The following CLASP1 variants were observed in gnomAD, a reference collection of about 807,000 sequenced individuals.
CLASP1 encodes the protein cytoplasmic linker associated protein 1, also known as CLIP-associating protein 1.
A neutral mutation model predicts 192.3 loss-of-function variants in CLASP1; 38 were observed. The ratio of observed to expected loss-of-function variants is 0.20; its 90% CI spans 0.15 to 0.26. The LOEUF (loss-of-function observed/expected upper bound fraction) is 0.26. Ranked by LOEUF, CLASP1 falls within the 10% of genes least tolerant of loss-of-function variation. The pLI is 1.00. For missense variants in CLASP1, 1,433 were observed against 1,932.5 expected (o/e 0.74, Z 4.85); for synonymous variants, 691 against 712.8 (o/e 0.97, Z 0.49).
At chr2:121,436,916 T>A (rs1480569518) in intron 19 of CLASP1, among the ~76,000 whole-genome samples, 1 of 152,184 alleles carries the variant, frequency 6.6e-6, no homozygotes, top group Non-Finnish European at 1.5e-5. Flanking sequence ...AATTCATGAG[T>A]TCTCTCTTCA....
At chr2:121,351,289 T>C (rs777816483) in intron 37 of CLASP1, among the ~76,000 whole-genome samples, 2 of 152,188 alleles carry the variant, frequency 1.3e-5, no homozygotes, top group Non-Finnish European at 2.9e-5. Flanking sequence ...CAGTGACACT[T>C]TTCCCCCAAC....
intron 19 of CLASP1, among the ~76,000 whole-genome samples, chr2:121,437,630 CT>C (rs1446385506): frequency 3.9e-5 from 6 of 152,226 alleles, no homozygotes. Flanking sequence ...AGGGAGATTA[CT>C]TTCCCCCTCT....
At chr2:121,348,655 T>C in exon 38 of CLASP1, 1 of 1,613,902 alleles carries the variant, frequency 6.2e-7, no homozygotes. Context: ...AGCACCTTGA[T>C]GCACTGCTCC....
At chr2:121,562,705 T>G (rs2059193533) in intron 2 of CLASP1, among the ~76,000 whole-genome samples, 1 of 152,226 alleles carries the variant, frequency 6.6e-6, no homozygotes, top group African/African-American at 2.4e-5. Context: ...CAAATTTCAC[T>G]TAAGCTTGGC....
intron 2 of CLASP1, among the ~76,000 whole-genome samples, chr2:121,587,272 A>G (rs544222140): frequency 1.2e-4 from 18 of 152,212 alleles, no homozygotes; most frequent in African/African-American, 4.1e-4. Flanking sequence ...AAGACAGAGA[A>G]TAGATCAGAA....
In CLASP1 at chr2:121,553,935, T is replaced by TAC. The variant is rs574565907; in HGVS notation, c.196-23612_196-23611dup. On this transcript the variant is annotated intron_variant, in intron 2 of 39. Coordinates refer to ENST00000263710, the Ensembl canonical transcript of CLASP1. ...ATAATTAAAATAACACTCAACAGGC[T>TAC]ACAGACAGTGGCTCACACCTGCAAT... Among the ~76,000 whole-genome samples the TAC allele has an allele frequency of 3.3e-5, 5 of 152,016 alleles. No individual in the cohort carries two copies. In the South Asian group the frequency reaches 1.0e-3, roughly 32 times the overall value.
chr2:121,560,599 A>G (rs1242011998), intron 2 of CLASP1, among the ~76,000 whole-genome samples: 1 of 152,224 alleles, frequency 6.6e-6, no homozygotes, highest in East Asian at 1.9e-4. Flanking sequence ...ATCCAAGAAC[A>G]TCCCTCTGCT....
At chr2:121,530,979 T>C (rs1390465291) in intron 2 of CLASP1, 5 of 700,314 alleles carry the variant, frequency 7.1e-6, no homozygotes, top group East Asian at 2.7e-5. Context: ...CTAGAGCTTT[T>C]GCTTTATTTT....
chr2:121,619,821 G>A (rs1038716793), intron 1 of CLASP1, among the ~76,000 whole-genome samples: 2 of 152,024 alleles, frequency 1.3e-5, no homozygotes, highest in African/African-American at 4.8e-5. Flanking sequence ...TCTACTCCTT[G>A]AAACTCCCTC....
At chr2:121,462,204 C>T (rs529217514) in intron 10 of CLASP1, among the ~76,000 whole-genome samples, 1 of 150,596 alleles carries the variant, frequency 6.6e-6, no homozygotes, top group Admixed American at 6.6e-5. Context: ...ATCCTTCAAA[C>T]TTATGAATTA....
intron 9 of CLASP1, among the ~76,000 whole-genome samples, chr2:121,467,288 A>G (rs953160883): frequency 1.3e-5 from 2 of 152,198 alleles, no homozygotes; most frequent in Non-Finnish European, 2.9e-5. Flanking sequence ...ATGTATCTTT[A>G]TAACAGAATG....
chr2:121,450,844 G>A, intron 16 of CLASP1, 69 bp downstream of exon 16: 4 of 1,136,770 alleles, frequency 3.5e-6, no homozygotes, highest in Non-Finnish European at 5.2e-6. Context: ...TTTTTAATAA[G>A]GCAATCCTAT....
intron 2 of CLASP1, among the ~76,000 whole-genome samples, chr2:121,599,098 C>A (rs1051341732): frequency 4.6e-5 from 7 of 151,874 alleles, no homozygotes; most frequent in African/African-American, 1.7e-4. Flanking sequence ...CTCCTGGCCT[C>A]ATGATCCGCC....
At chr2:121,438,284 A>G (rs1455810227) in intron 19 of CLASP1, among the ~76,000 whole-genome samples, 2 of 152,224 alleles carry the variant, frequency 1.3e-5, no homozygotes, top group Non-Finnish European at 2.9e-5. Context: ...TAAATTTAAA[A>G]CCACAACTTG....
chr2:121,412,697 G>C (rs1411964527), intron 23 of CLASP1, among the ~76,000 whole-genome samples: 2 of 152,132 alleles, frequency 1.3e-5, no homozygotes, highest in Non-Finnish European at 2.9e-5. Context: ...CAATTATTCT[G>C]TGCTTCCAAG....
intron 9 of CLASP1, among the ~76,000 whole-genome samples, chr2:121,466,287 C>A (rs1285576575): frequency 6.6e-6 from 1 of 152,058 alleles, no homozygotes. Flanking sequence ...AAAAAATAAT[C>A]AGAAAGAACT....
intron 8 of CLASP1, among the ~76,000 whole-genome samples, chr2:121,500,376 G>GAAAGAAAGAAAGAAAGAAAGAAAGAAAGA (rs2093702375): frequency 1.1e-5 from 1 of 94,672 alleles, no homozygotes; most frequent in East Asian, 3.1e-4. Flanking sequence ...AAGAAAGAAA[G>GAAAGAAAGAAAGAAAGAAAGAAAGAAAGA]AAAGAAAGAA....
At chr2:121,530,215 G>A in intron 3 of CLASP1, 32 bp downstream of exon 3, 1 of 1,537,556 alleles carries the variant, frequency 6.5e-7, no homozygotes, top group South Asian at 1.2e-5. Context: ...GTCTGAAGGG[G>A]CCGGGTCCGC....
At chr2:121,456,067 A>G (rs2086592532) in intron 14 of CLASP1, among the ~76,000 whole-genome samples, 1 of 152,212 alleles carries the variant, frequency 6.6e-6, no homozygotes, top group African/African-American at 2.4e-5. Context: ...AGTAGATTTC[A>G]AGTGTTCTCA....
Sources: allele counts gnomAD v4.1 joint callset (sites outside exome capture counted in the v4.1 genomes callset), GRCh38; gene constraint gnomAD v4.1.1; transcripts MANE v1.5; gene names NCBI Gene and HGNC (gene_info 2026-07-23, HGNC 2026-07-21).